The following TEX2 variants were observed in gnomAD, a reference collection of about 807,000 sequenced individuals.
TEX2 encodes testis-expressed protein 2.
TEX2 carries 53 observed loss-of-function variants against 106.9 expected under a neutral mutation model. The ratio of observed to expected loss-of-function variants is 0.50; its 90% CI spans 0.40 to 0.62. The LOEUF is 0.62. Among genes scored for constraint, TEX2 ranks in the 20% least tolerant of loss-of-function variants. The probability of loss-of-function intolerance (pLI) is 0.00; values close to 1 mark genes in which losing one functional copy is unlikely to be tolerated. For missense variants in TEX2, 1,207 were observed against 1,379.0 expected, an observed-to-expected ratio of 0.88 and a Z score of 1.98; for synonymous variants, 523 against 534.8, an observed-to-expected ratio of 0.98 and a Z score of 0.30.
intron 5 of TEX2, among the ~76,000 whole-genome samples, chr17:64,182,852 C>CTA (rs2143822823): frequency 6.6e-6 from 1 of 151,848 alleles, no homozygotes; most frequent in Admixed American, 6.6e-5. Flanking sequence ...ATGCATATAC[C>CTA]ACACTTTATC....
chr17:64,151,475 C>CCTA (rs2030352605), intron 10 of TEX2, among the ~76,000 whole-genome samples: 1 of 152,080 alleles, frequency 6.6e-6, no homozygotes, highest in South Asian at 2.1e-4. Flanking sequence ...GTTTTTTCAT[C>CCTA]CTACACCCCA....
chr17:64,183,008 C>A (rs1008835761), intron 5 of TEX2, among the ~76,000 whole-genome samples: 3 of 151,696 alleles, frequency 2.0e-5, no homozygotes, highest in African/African-American at 7.3e-5. Context: ...TGAGTTCAAG[C>A]CATTCTTGTG....
At chr17:64,162,393 G>C (rs1356847993) in intron 7 of TEX2, among the ~76,000 whole-genome samples, 1 of 152,158 alleles carries the variant, frequency 6.6e-6, no homozygotes, top group Non-Finnish European at 1.5e-5. Flanking sequence ...TTGTTGTATA[G>C]TATTTCCAGC....
At chr17:64,248,499 C>G (rs536094230) in intron 1 of TEX2, among the ~76,000 whole-genome samples, 1 of 152,308 alleles carries the variant, frequency 6.6e-6, no homozygotes, top group East Asian at 1.9e-4. Flanking sequence ...TAAGCAGTGT[C>G]ATCTGCTGAA....
chr17:64,164,511 C>G (rs1290849282), intron 7 of TEX2, among the ~76,000 whole-genome samples: 1 of 152,086 alleles, frequency 6.6e-6, no homozygotes, highest in Admixed American at 6.5e-5. Flanking sequence ...GTACAAGGAC[C>G]TGGAAGGAGC....
At chr17:64,238,903 G>T (rs1425128958) in intron 1 of TEX2, among the ~76,000 whole-genome samples, 1 of 152,084 alleles carries the variant, frequency 6.6e-6, no homozygotes, top group Non-Finnish European at 1.5e-5. Flanking sequence ...CACCTAAAAA[G>T]CTCACTGATA....
chr17:64,202,799 A>T (rs1285543075), intron 2 of TEX2, among the ~76,000 whole-genome samples: 1 of 152,212 alleles, frequency 6.6e-6, no homozygotes, highest in Non-Finnish European at 1.5e-5. Flanking sequence ...AACCCACACT[A>T]AAGTGACTCA....
At chr17:64,172,399 A>T (rs1331370842) in intron 6 of TEX2, among the ~76,000 whole-genome samples, 9 of 95,376 alleles carry the variant, frequency 9.4e-5, no homozygotes, top group African/African-American at 3.8e-4. Context: ...CTCATGCTGA[A>T]CATTTTCTGT....
chr17:64,176,033 C>T (rs781448637), intron 6 of TEX2, among the ~76,000 whole-genome samples: 12 of 152,196 alleles, frequency 7.9e-5, no homozygotes, highest in Non-Finnish European at 1.8e-4. Context: ...AGGGTTACTG[C>T]TACTTGTTGT....
chr17:64,218,458 AC>A (rs2033255924), intron 1 of TEX2, among the ~76,000 whole-genome samples: 1 of 133,210 alleles, frequency 7.5e-6, no homozygotes. Flanking sequence ...TTGCTCTGTC[AC>A]CCAGCCTGGA....
At chr17:64,216,917 T>C (rs917167184) in intron 1 of TEX2, among the ~76,000 whole-genome samples, 1 of 152,166 alleles carries the variant, frequency 6.6e-6, no homozygotes, top group Non-Finnish European at 1.5e-5. Context: ...ACTGTTGTTA[T>C]TGTCCTCCAG....
At chr17:64,219,508 C>CATAACATAAAATAAATAAA (rs1555633014) in intron 1 of TEX2, among the ~76,000 whole-genome samples, 13 of 134,822 alleles carry the variant, frequency 9.6e-5, no homozygotes, top group African/African-American at 3.6e-4. Flanking sequence ...TCCATCTCAT[C>CATAACATAAAATAAATAAA]AAATAAAATA....
rs141534351 is a variant in TEX2, at chr17:64,260,202, T to C, written c.-26+2966A>G. ...CTCCAGCAGGAGCACAGGAGCTCAT[T>C]AGTGCAGCAATTCTCTGAACATCTC... On this transcript the variant is annotated intron_variant, in intron 1 of 11. Transcript: ENST00000584379. Among the ~76,000 whole-genome samples the C allele has an allele frequency of 3.1e-4, 47 of 152,334 alleles. 3 individuals are homozygous for C. The East Asian group carries it at 8.5e-3, about 28-fold the overall frequency.
chr17:64,215,915 A>G (rs541271622), intron 1 of TEX2, among the ~76,000 whole-genome samples: 1 of 152,236 alleles, frequency 6.6e-6, no homozygotes, highest in Non-Finnish European at 1.5e-5. Context: ...TTTGGGAAAC[A>G]GTGATCCTGG....
In TEX2 at chr17:64,193,735, T is replaced by G. The variant is rs778162445; in HGVS notation, c.2000A>C (p.Asp667Ala). ...EEKPPAEGSE[D>A]PKKPPRPQEG... Reference sequence around the variant, plus strand: ...CTGAGGGCGGGGTGGCTTCTTAGGGTCCTCACTTCCCTCAGCTGGCGGCTT... The same window carrying G: ...CTGAGGGCGGGGTGGCTTCTTAGGGGCCTCACTTCCCTCAGCTGGCGGCTT... Residue 667 changes from aspartate to alanine, a missense_variant, in exon 4 of 12, where the codon GAC (aspartate) becomes GCC (alanine). By Grantham distance (126) the Asp-to-Ala change is moderately radical. Coordinates refer to ENST00000584379, the MANE Select transcript of TEX2 (RefSeq NM_001288732.2). 4 of 1,613,496 alleles carry G rather than the reference T, an allele frequency of 2.5e-6. No homozygotes were observed. In the African/African-American group the frequency reaches 5.3e-5, roughly 22 times the overall value.
At chr17:64,171,611 G>A (rs2031402818) in intron 6 of TEX2, among the ~76,000 whole-genome samples, 1 of 152,104 alleles carries the variant, frequency 6.6e-6, no homozygotes, top group Admixed American at 6.5e-5. Context: ...CAGCCATGCT[G>A]GTTAACAGTA....
rs2032441511 is a variant in TEX2 at position 64,195,558 on chromosome 17, T to C, written c.1645-463A>G. On this transcript the variant is annotated intron_variant, in intron 2 of 11. Transcript: ENST00000584379. This position sits in a 1 kb window ranked among gnomAD's most constrained non-coding sequence, Gnocchi z 4.1. ...CATGTTATCACAGGACTCAGAGAAC[T>C]ACCTCTCCACTTCTGTTGCACTACA... Among the ~76,000 whole-genome samples, 1 of 152,212 alleles carries C rather than the reference T, an allele frequency of 6.6e-6. No individual in the cohort carries two copies. The highest frequency in any genetic ancestry group is 2.1e-4 in the South Asian group (1 of 4,834).
chr17:64,213,529 G>A lies in TEX2; in HGVS notation c.689C>T (p.Ser230Leu), dbSNP rs376031448. Residue 230 changes from serine (S) to leucine (L), a missense_variant, in exon 2 of 12, where the codon TCG becomes TTG. Coordinates refer to ENST00000584379, the MANE Select transcript of TEX2 (RefSeq NM_001288732.2). The surrounding 1 kb of genome is among the most constrained non-coding windows in gnomAD (Gnocchi z 4.4). ...SLSTDTSRQE[S>L]DTVSYKPPDS... ...AGGTGGCTTATAGGACACTGTATCC[G>A]ACTCCTGCCGGGAAGTGTCCGTGGA... is the stretch of plus-strand genomic sequence containing the variant. 18 of 1,613,970 alleles carry A rather than the reference G, an allele frequency of 1.1e-5. No homozygotes were observed. Among genetic ancestry groups the A allele is most frequent in the African/African-American group, 2.7e-5 (2 of 74,902 alleles).
chr17:64,189,788 C>G (rs2032225828), intron 4 of TEX2, among the ~76,000 whole-genome samples: 1 of 152,024 alleles, frequency 6.6e-6, no homozygotes, highest in Admixed American at 6.5e-5. Context: ...TCGAGACCAG[C>G]CTGGCCGACA....
Sources: allele counts gnomAD v4.1 joint callset (sites outside exome capture counted in the v4.1 genomes callset), GRCh38; gene constraint gnomAD v4.1.1; non-coding constraint Gnocchi (gnomAD v3.1); transcripts MANE v1.5; gene names NCBI Gene and HGNC (gene_info 2026-07-23, HGNC 2026-07-21).